The following NT5DC3 variants were observed in gnomAD, a reference collection of about 807,000 sequenced individuals.
The protein encoded by NT5DC3 is 5'-nucleotidase domain-containing protein 3.
NT5DC3 carries 42 observed loss-of-function variants against 67.8 expected under a neutral mutation model. That is an observed-to-expected ratio of 0.62 (90% CI 0.48 to 0.80). The LOEUF (loss-of-function observed/expected upper bound fraction) is 0.80, where lower values mean the gene tolerates loss of function less well. Among genes scored for constraint, NT5DC3 ranks in the 30% least tolerant of loss-of-function variants. The pLI, the probability that NT5DC3 is intolerant of heterozygous loss-of-function variation, is 0.00. For synonymous variants in NT5DC3, 237 were observed against 255.6 expected, an observed-to-expected ratio of 0.93 and a Z score of 0.69; for missense variants, 570 against 696.4, an observed-to-expected ratio of 0.82 and a Z score of 2.04.
chr12:103,749,259 A>G, the NT5DC3 span: 2 of 1,268,870 alleles, frequency 1.6e-6, no homozygotes, highest in East Asian at 5.1e-5. Flanking sequence ...GACTCTTCCT[A>G]AACATTTTTT....
At chr12:103,746,563 G>A in the NT5DC3 span, 1 of 1,601,620 alleles carries the variant, frequency 6.2e-7, no homozygotes, top group South Asian at 1.1e-5. Flanking sequence ...TTCACACCAT[G>A]GGTACAGAAT....
intron 2 of NT5DC3, among the ~76,000 whole-genome samples, chr12:103,808,315 C>T (rs1202254690): frequency 1.3e-5 from 2 of 152,234 alleles, no homozygotes; most frequent in African/African-American, 4.8e-5. Flanking sequence ...GCCCCTCTGC[C>T]CTCGGAGCAT....
chr12:103,793,697 C>A (rs1886170687), intron 7 of NT5DC3, among the ~76,000 whole-genome samples, 185 bp from the exon 8 acceptor site: 1 of 152,196 alleles, frequency 6.6e-6, no homozygotes, highest in African/African-American at 2.4e-5. Flanking sequence ...AAAGACCCTG[C>A]CTCCTCGGTC....
At chr12:103,829,451 G>A (rs1211226930) in intron 1 of NT5DC3, among the ~76,000 whole-genome samples, 3 of 152,124 alleles carry the variant, frequency 2.0e-5, no homozygotes, top group Admixed American at 2.0e-4. Context: ...ATAACTTGCT[G>A]GTTTTCTTTG....
At chr12:103,778,617 C>T (rs1885427195) in intron 13 of NT5DC3, among the ~76,000 whole-genome samples, 2 of 152,072 alleles carry the variant, frequency 1.3e-5, no homozygotes, top group Admixed American at 6.6e-5. Flanking sequence ...CCAGCATGGG[C>T]AACATAGTGA....
the NT5DC3 span, chr12:103,762,306 C>T: frequency 6.2e-7 from 1 of 1,614,214 alleles, no homozygotes; most frequent in Non-Finnish European, 8.5e-7. Flanking sequence ...GAGCAGGGAT[C>T]TTCTTTGCCA....
chr12:103,757,617 CA>C, the NT5DC3 span, among the ~76,000 whole-genome samples: 1 of 152,120 alleles, frequency 6.6e-6, no homozygotes, highest in East Asian at 1.9e-4. Flanking sequence ...AAAGTGTAAA[CA>C]GGGGAGAGGG....
intron 1 of NT5DC3, among the ~76,000 whole-genome samples, chr12:103,820,293 A>G (rs577358781): frequency 3.5e-4 from 53 of 152,164 alleles, no homozygotes; most frequent in African/African-American, 1.3e-3. Flanking sequence ...TGGTAATCCT[A>G]TTTTTCATTG....
At chr12:103,793,701 C>T (rs1341169737) in intron 7 of NT5DC3, among the ~76,000 whole-genome samples, 189 bp from the exon 8 acceptor site, 5 of 152,218 alleles carry the variant, frequency 3.3e-5, no homozygotes, top group Middle Eastern at 3.2e-3. Context: ...ACCCTGCCTC[C>T]TCGGTCTAAG....
At chr12:103,812,520 CTCTT>C (rs149418277) in intron 2 of NT5DC3, among the ~76,000 whole-genome samples, 33,625 of 152,010 alleles carry the variant, frequency 0.22, 4,220 homozygotes, top group South Asian at 0.44. Context: ...TATTTCATCT[CTCTT>C]CCCCTCAAAT....
At chr12:103,839,521 C>T (rs1027393863) in intron 1 of NT5DC3, among the ~76,000 whole-genome samples, 6 of 152,126 alleles carry the variant, frequency 3.9e-5, no homozygotes, top group Admixed American at 1.3e-4. Flanking sequence ...GGATTACAGG[C>T]GTGAGCTCAC....
Position 103,780,353 on chromosome 12 carries a change from A to G in NT5DC3, c.1341T>C (p.Asp447=). ...GLLEQMQVHR[D]AESQLVLQEW... The stretch of plus-strand genomic sequence containing the variant: ...CCTGCAAAACCAGCTGTGACTCAGC[A>G]TCTCTGTGAACCTGTAGGACACAAG... The change falls in exon 13 of 14, where the codon GAT becomes GAC. Residue 447 remains aspartate, a synonymous_variant. Coordinates refer to ENST00000392876, the MANE Select transcript of NT5DC3 (RefSeq NM_001031701.3). The G allele has an allele frequency of 6.2e-7, 1 of 1,614,128 alleles. No homozygotes were observed. Among genetic ancestry groups the G allele is most frequent in the Non-Finnish European group, 8.5e-7 (1 of 1,179,936 alleles).
intron 3 of NT5DC3, 28 bp from the exon 4 acceptor site, chr12:103,806,405 T>A: frequency 6.8e-7 from 1 of 1,477,828 alleles, no homozygotes; most frequent in East Asian, 2.3e-5. Context: ...TATGCACATG[T>A]AAATAATGTA....
chr12:103,814,392 T>C lies in NT5DC3; in HGVS notation c.393+545A>G, dbSNP rs533724026. On this transcript the variant is annotated intron_variant, in intron 2 of 13. Coordinates refer to ENST00000392876, the MANE Select transcript of NT5DC3 (RefSeq NM_001031701.3). ...CTCAAAGGGTACGGGCCCACAAGAC[T>C]TCTGAGGACACTTCTTTTCCTGCTT... Among the ~76,000 whole-genome samples, 5 of 152,354 alleles carry C rather than the reference T, an allele frequency of 3.3e-5. No homozygotes were observed. In the East Asian group the frequency reaches 9.6e-4, roughly 29 times the overall value.
the NT5DC3 span, chr12:103,763,695 A>C: frequency 8.2e-7 from 1 of 1,217,446 alleles, no homozygotes; most frequent in Non-Finnish European, 1.2e-6. Context: ...AGATCTTTGT[A>C]CCAAAGAAGG....
the NT5DC3 span, among the ~76,000 whole-genome samples, chr12:103,761,740 C>T: frequency 2.0e-5 from 3 of 152,096 alleles, no homozygotes; most frequent in African/African-American, 7.2e-5. Flanking sequence ...TCTCTGAGTC[C>T]CAATTTTCTC....
At chr12:103,752,032 T>A in the NT5DC3 span, among the ~76,000 whole-genome samples, 1 of 152,114 alleles carries the variant, frequency 6.6e-6, no homozygotes, top group Non-Finnish European at 1.5e-5. Flanking sequence ...TGCAGCCGAT[T>A]TGGTAATGTG....
chr12:103,762,333 G>A, the NT5DC3 span: 1 of 1,614,204 alleles, frequency 6.2e-7, no homozygotes, highest in Non-Finnish European at 8.5e-7. Context: ...TGGTGACTGG[G>A]GCTGTTGCCT....
At chr12:103,771,830 A>G (rs942964713), downstream of NT5DC3, among the ~76,000 whole-genome samples, 2 of 152,242 alleles carry the variant, frequency 1.3e-5, no homozygotes, top group Admixed American at 1.3e-4. Context: ...GAAGCAGCCC[A>G]TATTTCAGGC....
Sources: gnomAD v4.1 joint callset for allele counts (sites outside exome capture counted in the v4.1 genomes callset) on GRCh38, gnomAD v4.1.1 for gene constraint, MANE v1.5 for transcripts, NCBI Gene and HGNC (gene_info 2026-07-23, HGNC 2026-07-21) for gene names.